The following ASIC1 variants were observed in gnomAD, a reference collection of about 807,000 sequenced individuals.
The protein encoded by ASIC1 is acid-sensing ion channel 1.
Under a neutral mutation model 63.4 loss-of-function variants are expected in ASIC1, and 21 were observed. That is an observed-to-expected ratio of 0.33 (90% confidence interval 0.23 to 0.48). The LOEUF (loss-of-function observed/expected upper bound fraction) is 0.48. Ranked by LOEUF, ASIC1 falls within the 20% of genes least tolerant of loss-of-function variation. The pLI is 0.99. For missense variants in ASIC1, 478 were observed against 695.5 expected (o/e 0.69, Z 3.52); for synonymous variants, 258 against 278.2 (o/e 0.93, Z 0.72).
intron 3 of ASIC1, chr12:50,073,894 C>G: frequency 5.9e-6 from 9 of 1,534,432 alleles, no homozygotes; most frequent in Non-Finnish European, 7.9e-6. Context: ...GGGTGCCTTC[C>G]TGTGCCAGGT....
rs1252436297 is a variant in ASIC1, at chr12:50,057,656, G to A, written c.-277G>A. 6.6e-6 allele frequency: 1 copy of A among 151,818 alleles called. No individual in the cohort carries two copies. The highest frequency in any genetic ancestry group is 1.5e-5 in the Non-Finnish European group (1 of 67,862). The allele number at this position is 151,818 out of a possible 1,614,324, so 9.4% of individuals were successfully genotyped here. ...GGATCCCTGCAGATCCCAGGGCTGA[G>A]AGCACCGCGCACCGCGCCGAGCCCG... is the stretch of plus-strand genomic sequence containing the variant. On this transcript the variant is annotated 5_prime_UTR_variant, in exon 1 of 12. Coordinates refer to ENST00000447966, the MANE Select transcript of ASIC1 (RefSeq NM_001095.4). The surrounding 1 kb of genome is among the most constrained non-coding windows in gnomAD (Gnocchi z 4.7).
In ASIC1 at chr12:50,074,208, C is replaced by A. The variant is rs1950630386; in HGVS notation, c.559-3005C>A. The A allele has an allele frequency of 1.3e-6, 2 of 1,515,312 alleles. No individual in the cohort carries two copies. Among genetic ancestry groups the A allele is most frequent in the Non-Finnish European group, 8.8e-7 (1 of 1,135,558 alleles). 93.9% of individuals were successfully genotyped at this position (1,515,312 alleles called of 1,614,324 possible). A position where few individuals can be genotyped will look rare whatever the true frequency, so the allele number is the denominator to read the frequency against. On this transcript the variant is annotated intron_variant, in intron 3 of 11. Coordinates refer to ENST00000447966, the MANE Select transcript of ASIC1 (RefSeq NM_001095.4). The surrounding 1 kb of genome is among the most constrained non-coding windows in gnomAD (Gnocchi z 4.2). Reference sequence around the variant, plus strand: ...AGGACATGCTGCTCTATTGCTCCTACCAAGGGGGACCCTGCGGCCCTCACA... The same window carrying A: ...AGGACATGCTGCTCTATTGCTCCTAACAAGGGGGACCCTGCGGCCCTCACA...
Position 50,070,407 on chromosome 12 carries a change from CGT to C in ASIC1, c.559-6793_559-6792del, listed in dbSNP as rs139101187. On this transcript the variant is annotated intron_variant, in intron 3 of 11. Transcript: ENST00000447966. ...GTGTTGGGGTGTGTGTGTGTTGGGG[CGT>C]GTGTGTGTGTGTTGGGGTGTGTGTG... Among the ~76,000 whole-genome samples, 16 of 149,486 alleles carry C rather than the reference CGT, an allele frequency of 1.1e-4. No individual in the cohort carries two copies. In the South Asian group the frequency reaches 2.6e-3, roughly 24 times the overall value.
chr12:50,072,636 G>C (rs1317838100), intron 3 of ASIC1, among the ~76,000 whole-genome samples: 2 of 152,114 alleles, frequency 1.3e-5, no homozygotes, highest in Non-Finnish European at 2.9e-5. Flanking sequence ...AAACTAAACT[G>C]TTCGGGGGGC....
At chr12:50,060,919 T>C (rs1950495430) in intron 3 of ASIC1, among the ~76,000 whole-genome samples, 1 of 152,178 alleles carries the variant, frequency 6.6e-6, no homozygotes, top group African/African-American at 2.4e-5. Flanking sequence ...TGATACATAA[T>C]CACATTACCT....
chr12:50,075,916 T>G (rs1463276827), intron 3 of ASIC1, among the ~76,000 whole-genome samples: 1 of 152,200 alleles, frequency 6.6e-6, no homozygotes, highest in African/African-American at 2.4e-5. Flanking sequence ...AGGGCTGCAC[T>G]GGGGCATGGA....
chr12:50,070,484 G>T (rs1339344018), intron 3 of ASIC1, among the ~76,000 whole-genome samples: 1 of 152,078 alleles, frequency 6.6e-6, no homozygotes, highest in African/African-American at 2.4e-5. Context: ...CAAGTGTGCA[G>T]TGTGGTCTTG....
At position 50,059,749 on chromosome 12, in the gene ASIC1, C is replaced by T. The variant is rs186971885; in HGVS notation, c.363-10C>T. ...TACTGACCCGTGTGTCACTCACCCC[C>T]GGACCCCAGGTATGAGATACCAGAC... On this transcript the variant is annotated splice_polypyrimidine_tract_variant and intron_variant, in intron 2 of 11. Coordinates refer to ENST00000447966, the MANE Select transcript of ASIC1 (RefSeq NM_001095.4). The surrounding 1 kb of genome is among the most constrained non-coding windows in gnomAD (Gnocchi z 4.6). 6.7e-5 allele frequency: 108 copies of T among 1,610,692 alleles called. 1 individual carries two copies. The highest frequency in any genetic ancestry group is 3.8e-4 in the East Asian group (17 of 44,688).
intron 3 of ASIC1, among the ~76,000 whole-genome samples, chr12:50,063,650 C>G (rs1413363582): frequency 6.6e-6 from 1 of 152,086 alleles, no homozygotes; most frequent in Non-Finnish European, 1.5e-5. Context: ...GGGATGAGCA[C>G]AGAAGCCTCC....
At chr12:50,079,776 T>G (rs1592279854) in intron 7 of ASIC1, 126 bp from the exon 8 acceptor site, 1 of 1,178,310 alleles carries the variant, frequency 8.5e-7, no homozygotes, top group Non-Finnish European at 1.2e-6. Context: ...CCAGGCAGGG[T>G]GAAGGGCAGG....
intron 3 of ASIC1, among the ~76,000 whole-genome samples, chr12:50,060,892 G>A (rs1003409316): frequency 2.6e-5 from 4 of 152,090 alleles, no homozygotes; most frequent in African/African-American, 9.7e-5. Context: ...TGCTTTCTAG[G>A]CTCCCCTCAA....
At chr12:50,073,965 C>T (rs770570651) in intron 3 of ASIC1, 2 of 1,535,854 alleles carry the variant, frequency 1.3e-6, no homozygotes, top group Admixed American at 3.9e-5. Flanking sequence ...ACGAAGTGGC[C>T]ACCACGGAGC....
chr12:50,074,059 C>T lies in ASIC1; in HGVS notation c.559-3154C>T. On this transcript the variant is annotated intron_variant, in intron 3 of 11. Coordinates refer to ENST00000447966, the MANE Select transcript of ASIC1 (RefSeq NM_001095.4). This position sits in a 1 kb window ranked among gnomAD's most constrained non-coding sequence, Gnocchi z 4.2. ...CTACCCTGACTTGCTTTATTTGGCC[C>T]CCATGCTGGGACTGGATGAAAGTGA... The T allele has an allele frequency of 6.5e-7, 1 of 1,534,814 alleles. No individual in the cohort carries two copies. The highest frequency in any genetic ancestry group is 8.7e-7 in the Non-Finnish European group (1 of 1,146,052).
chr12:50,068,669 CA>C lies in ASIC1; in HGVS notation c.559-8541del, dbSNP rs545337511. 2.6e-3 allele frequency among the ~76,000 whole-genome samples: 388 copies of C among 151,676 alleles called. 2 individuals are homozygous for C. Among genetic ancestry groups the C allele is most frequent in the African/African-American group, 8.3e-3 (342 of 41,302 alleles). ...TCCTCAAAACCTGCATGTGCAAAAC[CA>C]AAGTCATCATCTTACCTCCCAAACT... On this transcript the variant is annotated intron_variant, in intron 3 of 11. Transcript: ENST00000447966.
Position 50,078,921 on chromosome 12 carries a change from T to A in ASIC1, c.995-3T>A. ...CTGCATCATTGTCTTTTCTCCTCTG[T>A]AGGGGATGCCCCATACTGTACTCCA... On this transcript the variant is annotated splice_polypyrimidine_tract_variant and splice_region_variant and intron_variant, in intron 6 of 11. Coordinates refer to ENST00000447966, the MANE Select transcript of ASIC1 (RefSeq NM_001095.4). The surrounding 1 kb of genome is among the most constrained non-coding windows in gnomAD (Gnocchi z 6.0). 6.2e-7 allele frequency: 1 copy of A among 1,613,702 alleles called. No individual in the cohort carries two copies. Among genetic ancestry groups the A allele is most frequent in the Non-Finnish European group, 8.5e-7 (1 of 1,179,724 alleles).
chr12:50,081,618 C>T lies in ASIC1; in HGVS notation c.1556C>T (p.Ala519Val). ...YAANILPHHPARGTFEDFTC is the reference protein window; with the variant it reads ...YAANILPHHPVRGTFEDFTC Reference sequence around the variant, plus strand: ...GCCAACATCCTACCTCACCATCCGGCCCGAGGCACGTTCGAGGACTTTACC... The same window carrying T: ...GCCAACATCCTACCTCACCATCCGGTCCGAGGCACGTTCGAGGACTTTACC... Residue 519 changes from alanine (A) to valine (V), a missense_variant, in exon 12 of 12, where the codon GCC (alanine) becomes GTC (valine). Ala to Val is a moderately conservative substitution (Grantham distance 64). Around this residue, in one of 3 missense-constraint regions of ASIC1, gnomAD observed 104 missense variants for 97.0 expected, o/e 1.07. Transcript: ENST00000447966. 3.7e-6 allele frequency: 6 copies of T among 1,614,144 alleles called. No homozygotes were observed. Among genetic ancestry groups the T allele is most frequent in the Non-Finnish European group, 5.1e-6 (6 of 1,180,028 alleles).
chr12:50,078,832 T>C lies in ASIC1; in HGVS notation c.995-92T>C. 10 of 1,473,082 alleles carry C rather than the reference T, an allele frequency of 6.8e-6. No individual in the cohort carries two copies. The highest frequency in any genetic ancestry group is 9.5e-6 in the Non-Finnish European group (10 of 1,053,162). The allele number at this position is 1,473,082 out of a possible 1,614,324, so 91.3% of individuals were successfully genotyped here. ...CTGCCAGTCCTCCCTTCCCATCTTC[T>C]CCCAGCTTACACCTTCTAGGCCTTT... On this transcript the variant is annotated intron_variant, in intron 6 of 11. Transcript: ENST00000447966. The surrounding 1 kb of genome is among the most constrained non-coding windows in gnomAD (Gnocchi z 6.0).
chr12:50,073,950 T>C (rs1255612499), intron 3 of ASIC1: 1 of 1,535,828 alleles, frequency 6.5e-7, no homozygotes, highest in African/African-American at 1.4e-5. Flanking sequence ...ACGTGACCCT[T>C]CTAAACGAAG....
intron 4 of ASIC1, among the ~76,000 whole-genome samples, chr12:50,077,666 G>A (rs139153393): frequency 2.4e-3 from 359 of 152,178 alleles, no homozygotes; most frequent in African/African-American, 8.0e-3. Flanking sequence ...GGGGCCTTGG[G>A]GCAGAGAGAG....
Sources: gnomAD v4.1 joint callset for allele counts (sites outside exome capture counted in the v4.1 genomes callset) on GRCh38, gnomAD v4.1.1 for gene constraint, gnomAD v4.1.1 regional missense constraint, Gnocchi (gnomAD v3.1) non-coding constraint, MANE v1.5 for transcripts, NCBI Gene and HGNC (gene_info 2026-07-23, HGNC 2026-07-21) for gene names.